PHEX: variants seen among roughly 807,000 people sequenced by gnomAD.
PHEX encodes phosphate regulating endopeptidase X-linked.
PHEX carries 16 observed loss-of-function variants against 68.0 expected under a neutral mutation model. That is an observed-to-expected ratio of 0.24 (90% CI 0.16 to 0.36). PHEX has a LOEUF of 0.36. Among genes scored for constraint, PHEX ranks in the 10% least tolerant of loss-of-function variants. The pLI, the probability that PHEX is intolerant of heterozygous loss-of-function variation, is 1.00. For missense variants in PHEX, 480 were observed against 575.5 expected, an observed-to-expected ratio of 0.83 and a Z score of 1.70; for synonymous variants, 208 against 205.1, an observed-to-expected ratio of 1.01 and a Z score of -0.12.
intron 5 of PHEX, among the ~76,000 whole-genome samples, chrX:22,081,828 C>T (rs1602277831): frequency 2.7e-5 from 3 of 111,833 alleles, no homozygotes. Context: ...TTGCTGCACA[C>T]GTTTGGATTT....
chrX:22,243,759 G>A (rs1395718670), intron 20 of PHEX, among the ~76,000 whole-genome samples: 9 of 111,883 alleles, frequency 8.0e-5, no homozygotes, highest in East Asian at 2.8e-4. Flanking sequence ...TGAGAATGGC[G>A]ATCATTGGAA....
At chrX:22,090,154 A>G (rs1029310782) in intron 5 of PHEX, among the ~76,000 whole-genome samples, 1 of 112,404 alleles carries the variant, frequency 8.9e-6, no homozygotes, top group African/African-American at 3.2e-5. Flanking sequence ...ATCTATTCCA[A>G]CTGAAATAGC....
chrX:22,233,589 G>A lies in PHEX; in HGVS notation c.2070+5978G>A, dbSNP rs982598164. On this transcript the variant is annotated intron_variant, in intron 20 of 21. Transcript: ENST00000379374. ...TTCAATCTCTGATATCCTTTCTTCCGCTTGATCAATTCGGCTATTGATACT... is the reference window on the plus strand; with the variant it reads ...TTCAATCTCTGATATCCTTTCTTCCACTTGATCAATTCGGCTATTGATACT... Among the ~76,000 whole-genome samples, 4 of 110,146 alleles carry A rather than the reference G, an allele frequency of 3.6e-5. No individual in the cohort carries two copies. The East Asian group carries it at 8.6e-4, about 24-fold the overall frequency.
chrX:22,050,638 C>A (rs1195343016), intron 3 of PHEX, among the ~76,000 whole-genome samples: 1 of 106,204 alleles, frequency 9.4e-6, no homozygotes. Flanking sequence ...GTGTAATTTT[C>A]TTATGCCTTG....
intron 3 of PHEX, among the ~76,000 whole-genome samples, chrX:22,052,807 G>A (rs1927897671): frequency 9.1e-6 from 1 of 110,449 alleles, no homozygotes; most frequent in African/African-American, 3.3e-5. Flanking sequence ...GGGGAGGGTG[G>A]GAGAAGGGTG....
At position 22,100,897 on chromosome X, in the gene PHEX, C is replaced by T. The variant is rs544860644; in HGVS notation, c.1079+1746C>T. On this transcript the variant is annotated intron_variant, in intron 9 of 21. Coordinates refer to ENST00000379374, the MANE Select transcript of PHEX (RefSeq NM_000444.6). Reference sequence around the variant, plus strand: ...AAAATAAGGACAAAAATTGGCCAGGCGCGGTGGCTCACACCTGTAATCCCA... The same window carrying T: ...AAAATAAGGACAAAAATTGGCCAGGTGCGGTGGCTCACACCTGTAATCCCA... 4.9e-4 allele frequency among the ~76,000 whole-genome samples: 55 copies of T among 111,637 alleles called. 1 individual carries two copies. The South Asian group carries it at 0.019, about 38-fold the overall frequency.
intron 13 of PHEX, among the ~76,000 whole-genome samples, chrX:22,175,949 G>T (rs1933680312): frequency 1.8e-5 from 2 of 111,313 alleles, no homozygotes; most frequent in Non-Finnish European, 3.8e-5. Flanking sequence ...GCTGAAAAAG[G>T]CAAAGGGTTG....
rs189673836 is a variant in PHEX at position 22,064,566 on chromosome X, A to G, written c.350-11822A>G. Among the ~76,000 whole-genome samples, 11 of 112,090 alleles carry G rather than the reference A, an allele frequency of 9.8e-5. No homozygotes were observed. In the East Asian group the frequency reaches 3.1e-3, roughly 31 times the overall value. On this transcript the variant is annotated intron_variant, in intron 3 of 21. Coordinates refer to ENST00000379374, the MANE Select transcript of PHEX (RefSeq NM_000444.6). ...TCCAGAAAGTTCTCAGGCGATGCCC[A>G]TGCTGCTGGTTTGGGGACCACACAT...
intron 3 of PHEX, among the ~76,000 whole-genome samples, chrX:22,052,097 A>G (rs903395714): frequency 8.9e-6 from 1 of 112,220 alleles, no homozygotes; most frequent in Non-Finnish European, 1.9e-5. Context: ...CTCATCGTAG[A>G]CCAACCACAA....
At chrX:22,160,561 AAAAAG>A (rs1405972589) in intron 12 of PHEX, among the ~76,000 whole-genome samples, 5 of 106,975 alleles carry the variant, frequency 4.7e-5, no homozygotes, top group African/African-American at 7.1e-5. Flanking sequence ...AAAAAAAAAA[AAAAAG>A]AAAAGAAAAA....
chrX:22,125,167 G>T (rs1018372160), intron 11 of PHEX, among the ~76,000 whole-genome samples: 2 of 111,708 alleles, frequency 1.8e-5, no homozygotes. Flanking sequence ...ACAATTGCCA[G>T]AAAGAAAATT....
At chrX:22,232,219 C>T (rs1182949593) in intron 20 of PHEX, among the ~76,000 whole-genome samples, 5 of 111,310 alleles carry the variant, frequency 4.5e-5, no homozygotes, top group Admixed American at 9.6e-5. Flanking sequence ...ACAATAAGAG[C>T]GATGAGGTGC....
chrX:22,157,405 C>T (rs189703523), intron 12 of PHEX, among the ~76,000 whole-genome samples: 1 of 112,425 alleles, frequency 8.9e-6, no homozygotes, highest in African/African-American at 3.2e-5. Context: ...ACTCTAAGGA[C>T]GATGGGTGTG....
chrX:22,081,599 G>A (rs961993761), intron 5 of PHEX, among the ~76,000 whole-genome samples: 2 of 111,600 alleles, frequency 1.8e-5, no homozygotes, highest in South Asian at 7.5e-4. Flanking sequence ...AGCAGATGGT[G>A]CCTTTGGGTG....
chrX:22,222,774 A>AT (rs1336528839), intron 18 of PHEX, among the ~76,000 whole-genome samples: 1 of 111,858 alleles, frequency 8.9e-6, no homozygotes, highest in African/African-American at 3.3e-5. Context: ...ATGTATCCCC[A>AT]TACTAGTCCT....
chrX:22,041,726 A>G (rs1157697368), intron 2 of PHEX, among the ~76,000 whole-genome samples: 1 of 110,391 alleles, frequency 9.1e-6, no homozygotes, highest in African/African-American at 3.3e-5. Context: ...GTTCTTGCAG[A>G]TGTGTGAAAT....
At position 22,166,565 on chromosome X, in the gene PHEX, A is replaced by G. The variant is rs773353089; in HGVS notation, c.1405-1747A>G. ...ATATGATGTACAACATGATGTTTTG[A>G]TACATGTATACATTAGAAAATGGGT... is the stretch of plus-strand genomic sequence containing the variant. On this transcript the variant is annotated intron_variant, in intron 12 of 21. Transcript: ENST00000379374. 1.4e-4 allele frequency among the ~76,000 whole-genome samples: 15 copies of G among 111,015 alleles called. No individual in the cohort carries two copies. In the East Asian group the frequency reaches 4.2e-3, roughly 31 times the overall value.
intron 20 of PHEX, among the ~76,000 whole-genome samples, chrX:22,228,872 C>G (rs985130002): frequency 8.9e-5 from 10 of 111,740 alleles, no homozygotes; most frequent in African/African-American, 3.3e-4. Flanking sequence ...TGCTATAGCT[C>G]TTCTAGCCCC....
intron 1 of PHEX, among the ~76,000 whole-genome samples, chrX:22,035,244 A>G (rs1466103313): frequency 1.8e-5 from 2 of 111,521 alleles, no homozygotes; most frequent in Non-Finnish European, 3.8e-5. Flanking sequence ...GTGGTCTTGC[A>G]GTGGCTTCTG....
Sources: gnomAD v4.1 joint callset for allele counts (sites outside exome capture counted in the v4.1 genomes callset) on GRCh38, gnomAD v4.1.1 for gene constraint, MANE v1.5 for transcripts, NCBI Gene and HGNC (gene_info 2026-07-23, HGNC 2026-07-21) for gene names.